The following PHC2 variants were observed in gnomAD, a reference collection of about 807,000 sequenced individuals.
PHC2 encodes the protein polyhomeotic homolog 2.
A neutral mutation model predicts 87.4 loss-of-function variants in PHC2; 29 were observed. The ratio of observed to expected loss-of-function variants is 0.33; its 90% CI spans 0.25 to 0.45. PHC2 has a LOEUF of 0.45. PHC2 is among the 20% of genes least tolerant of loss of function. The probability of loss-of-function intolerance (pLI) is 1.00; values close to 1 mark genes in which losing one functional copy is unlikely to be tolerated. For synonymous variants in PHC2, 438 were observed against 461.7 expected, an observed-to-expected ratio of 0.95 and a Z score of 0.66; for missense variants, 857 against 1,136.7, an observed-to-expected ratio of 0.75 and a Z score of 3.54.
intron 7 of PHC2, among the ~76,000 whole-genome samples, chr1:33,360,998 G>A (rs1243687694): frequency 1.3e-5 from 2 of 152,202 alleles, no homozygotes; most frequent in Non-Finnish European, 2.9e-5. Context: ...AGTATTAGTT[G>A]CAGGCAGTTG....
At chr1:33,421,440 T>C (rs1408190817) in intron 1 of PHC2, among the ~76,000 whole-genome samples, 1 of 152,128 alleles carries the variant, frequency 6.6e-6, no homozygotes, top group African/African-American at 2.4e-5. Flanking sequence ...GGATGCATTC[T>C]CTACAGGAAC....
intron 1 of PHC2, among the ~76,000 whole-genome samples, chr1:33,393,171 G>C (rs1381946876): frequency 1.3e-5 from 2 of 152,146 alleles, no homozygotes; most frequent in African/African-American, 2.4e-5. Flanking sequence ...AGTTATCACT[G>C]ATAACTGGCG....
At chr1:33,360,734 G>T (rs1490428619) in intron 7 of PHC2, among the ~76,000 whole-genome samples, 1 of 152,226 alleles carries the variant, frequency 6.6e-6, no homozygotes, top group African/African-American at 2.4e-5. Flanking sequence ...CTAACAAGAA[G>T]CCCATGAGGC....
At chr1:33,327,889 C>T (rs1646405137) in intron 14 of PHC2, among the ~76,000 whole-genome samples, 1 of 152,208 alleles carries the variant, frequency 6.6e-6, no homozygotes, top group Admixed American at 6.5e-5. Context: ...TCATAAGACA[C>T]CTGAGGCAGA....
In PHC2 at chr1:33,370,493, A is replaced by G; in HGVS notation, c.504T>C (p.Ala168=). 6.2e-7 allele frequency: 1 copy of G among 1,614,150 alleles called. No homozygotes were observed. Among genetic ancestry groups the G allele is most frequent in the Non-Finnish European group, 8.5e-7 (1 of 1,180,022 alleles). Residue 168 remains alanine, a synonymous_variant, in exon 5 of 15, where the codon GCT becomes GCC. Coordinates refer to ENST00000683057, the MANE Select transcript of PHC2 (RefSeq NM_001385109.1). ...SAAASGIAQQ[A]VLLGNTSSPA... ...GGGAAGACGTGTTGCCCAAGAGCAC[A>G]GCCTGCTGAGCGATGCCTGAGGCTG... is the stretch of plus-strand genomic sequence containing the variant.
At chr1:33,327,645 A>G (rs1646400214) in intron 14 of PHC2, among the ~76,000 whole-genome samples, 1 of 152,272 alleles carries the variant, frequency 6.6e-6, no homozygotes, top group African/African-American at 2.4e-5. Context: ...TAAAGGGCAC[A>G]GTGGCTTCTA....
At chr1:33,415,184 C>T (rs1650152944) in intron 1 of PHC2, among the ~76,000 whole-genome samples, 1 of 152,116 alleles carries the variant, frequency 6.6e-6, no homozygotes, top group Non-Finnish European at 1.5e-5. Flanking sequence ...GGACAGAGAA[C>T]TGAAGATAGA....
chr1:33,399,523 A>G (rs1314194139), intron 1 of PHC2, among the ~76,000 whole-genome samples: 1 of 152,218 alleles, frequency 6.6e-6, no homozygotes, highest in Non-Finnish European at 1.5e-5. Flanking sequence ...AGACTTAAGC[A>G]TCTTGCCATT....
At chr1:33,356,924 C>G (rs1268968787) in intron 7 of PHC2, among the ~76,000 whole-genome samples, 1 of 152,178 alleles carries the variant, frequency 6.6e-6, no homozygotes, top group Non-Finnish European at 1.5e-5. Flanking sequence ...GGGGGCTGCC[C>G]CCCACCTCCC....
At chr1:33,407,448 G>C (rs1488802546) in intron 1 of PHC2, among the ~76,000 whole-genome samples, 1 of 152,140 alleles carries the variant, frequency 6.6e-6, no homozygotes, top group Non-Finnish European at 1.5e-5. Flanking sequence ...TACTAGTATG[G>C]AACCATCCTA....
intron 1 of PHC2, among the ~76,000 whole-genome samples, chr1:33,379,315 C>T (rs1648350793): frequency 1.1e-5 from 1 of 93,510 alleles, no homozygotes; most frequent in Non-Finnish European, 2.2e-5. Context: ...CCCCACCCCC[C>T]CACTGCCCCC....
At position 33,375,487 on chromosome 1, in the gene PHC2, CTGG is replaced by C. The variant is rs574705070; in HGVS notation, c.50_52del (p.Thr17del). The C allele has an allele frequency of 4.5e-5, 73 of 1,611,422 alleles. No homozygotes were observed. In the African/African-American group the frequency reaches 8.4e-4, roughly 19 times the overall value. The stretch of plus-strand genomic sequence containing the variant: ...GCTGCTACTGGCCCCGCTGGTACTG[CTGG>C]TGGCACAGGCACTGCTAGATGTATG... On this transcript the variant is annotated inframe_deletion, in exon 2 of 15. Coordinates refer to ENST00000683057, the MANE Select transcript of PHC2 (RefSeq NM_001385109.1).
intron 1 of PHC2, among the ~76,000 whole-genome samples, chr1:33,397,780 C>T (rs542600760): frequency 1.8e-4 from 27 of 152,228 alleles, no homozygotes; most frequent in African/African-American, 6.5e-4. Flanking sequence ...AGGATGACCT[C>T]TGCAGAGAAT....
chr1:33,372,821 C>CGAG (rs774494232), intron 2 of PHC2, among the ~76,000 whole-genome samples: 7 of 152,218 alleles, frequency 4.6e-5, no homozygotes, highest in Non-Finnish European at 7.3e-5. Context: ...CACTCCTCTC[C>CGAG]CTCTGTCACT....
intron 12 of PHC2, 38 bp from the exon 13 acceptor site, chr1:33,330,250 A>G (rs368040426): frequency 6.2e-7 from 1 of 1,609,192 alleles, no homozygotes; most frequent in Non-Finnish European, 8.5e-7. Flanking sequence ...CACAGTAGTC[A>G]TTGTGCTTAT....
intron 1 of PHC2, among the ~76,000 whole-genome samples, chr1:33,419,807 C>T (rs940006783): frequency 1.3e-5 from 2 of 152,096 alleles, no homozygotes; most frequent in African/African-American, 4.8e-5. Context: ...GACGGGGTTT[C>T]ACCGTGTTAG....
rs1172212847 is a variant in PHC2 at position 33,364,727 on chromosome 1, G to C, written c.976+2389C>G. ...GGGAGAGAGGAAGAATGAACAGGAT[G>C]GTGGGAGGCAGGAACAATGCAGGCC... On this transcript the variant is annotated intron_variant, in intron 7 of 14. Transcript: ENST00000683057. This position sits in a 1 kb window ranked among gnomAD's most constrained non-coding sequence, Gnocchi z 4.1. Among the ~76,000 whole-genome samples, 1 of 152,184 alleles carries C rather than the reference G, an allele frequency of 6.6e-6. No individual in the cohort carries two copies. The highest frequency in any genetic ancestry group is 1.5e-5 in the Non-Finnish European group (1 of 68,032).
chr1:33,335,967 C>T (rs1415177276), intron 9 of PHC2, among the ~76,000 whole-genome samples: 1 of 135,434 alleles, frequency 7.4e-6, no homozygotes, highest in Non-Finnish European at 1.5e-5. Context: ...TCCACTCAAG[C>T]TCATGTTTTT....
At chr1:33,377,868 G>A (rs1648265022) in intron 1 of PHC2, among the ~76,000 whole-genome samples, 1 of 152,006 alleles carries the variant, frequency 6.6e-6, no homozygotes. Context: ...AAAAGTGTGG[G>A]TAAAGTCTAA....
Sources: gnomAD v4.1 joint callset for allele counts (sites outside exome capture counted in the v4.1 genomes callset) on GRCh38, gnomAD v4.1.1 for gene constraint, Gnocchi (gnomAD v3.1) non-coding constraint, MANE v1.5 for transcripts, NCBI Gene and HGNC (gene_info 2026-07-23, HGNC 2026-07-21) for gene names.